Variants in SRRM4 observed in about 807,000 individuals in gnomAD.
SRRM4 encodes serine/arginine repetitive matrix protein 4.
Under a neutral mutation model 68.9 loss-of-function variants are expected in SRRM4, and 33 were observed. The ratio of observed to expected loss-of-function variants is 0.48; its 90% CI spans 0.36 to 0.64. The LOEUF is 0.64. Among genes scored for constraint, SRRM4 ranks in the 30% least tolerant of loss-of-function variants. SRRM4 has a pLI of 0.00. For synonymous variants in SRRM4, 318 were observed against 318.8 expected (o/e 1.00, Z 0.03); for missense variants, 817 against 827.1 (o/e 0.99, Z 0.15).
intron 1 of SRRM4, among the ~76,000 whole-genome samples, chr12:118,990,997 G>A (rs1195838880): frequency 1.3e-5 from 2 of 152,220 alleles, no homozygotes; most frequent in East Asian, 3.9e-4. Context: ...TAGAGACAGG[G>A]TTTCACCATT....
At chr12:119,031,962 T>C (rs1233907619) in intron 1 of SRRM4, among the ~76,000 whole-genome samples, 3 of 152,210 alleles carry the variant, frequency 2.0e-5, no homozygotes, top group African/African-American at 4.8e-5. Flanking sequence ...ATATTTACTT[T>C]ATAATTTCTT....
chr12:119,097,904 T>C (rs11611821), intron 1 of SRRM4, among the ~76,000 whole-genome samples: 12,031 of 152,344 alleles, frequency 0.079, 530 homozygotes, highest in African/African-American at 0.1. Context: ...TATTCAATGC[T>C]AAATTCCTCA....
chr12:119,117,045 G>C (rs78853017), intron 4 of SRRM4, 37 bp downstream of exon 4: 42,016 of 1,580,488 alleles, frequency 0.027, 958 homozygotes, highest in Admixed American at 0.089. Flanking sequence ...GACCTCCCCA[G>C]GTGGGGTGGG....
chr12:119,156,682 A>T lies in SRRM4; in HGVS notation c.1720A>T (p.Ser574Cys), dbSNP rs1441073095. Residue 574 changes from serine (S) to cysteine (C), a missense_variant, in exon 13 of 13, where the codon AGC becomes TGC. Coordinates refer to ENST00000267260, the MANE Select transcript of SRRM4 (RefSeq NM_194286.4). ...CACGAGCAGCAGCTCTAGCTCCCGC[A>T]GCCCTAGTCCGGGCTCCCGCAGCCG... is the stretch of plus-strand genomic sequence containing the variant. ...TRTSSSSSSR[S>C]PSPGSRSRSR... is the part of the protein sequence containing the mutation. The T allele has an allele frequency of 1.3e-6, 2 of 1,557,248 alleles. No individual in the cohort carries two copies. The highest frequency in any genetic ancestry group is 1.7e-6 in the Non-Finnish European group (2 of 1,152,040).
chr12:119,057,219 G>T (rs760193427), intron 1 of SRRM4, among the ~76,000 whole-genome samples: 1 of 152,138 alleles, frequency 6.6e-6, no homozygotes, highest in Non-Finnish European at 1.5e-5. Context: ...GAATACATGT[G>T]CAGGATGCGC....
intron 1 of SRRM4, among the ~76,000 whole-genome samples, chr12:119,005,124 G>A (rs1304906574): frequency 2.0e-5 from 3 of 152,238 alleles, no homozygotes; most frequent in African/African-American, 7.2e-5. Context: ...GACTCTGGGG[G>A]AAAGGAGGAG....
intron 1 of SRRM4, among the ~76,000 whole-genome samples, chr12:119,097,853 CT>C (rs1419778755): frequency 6.6e-6 from 1 of 152,232 alleles, no homozygotes; most frequent in African/African-American, 2.4e-5. Flanking sequence ...AGACAAGTCA[CT>C]GAGACTTCCC....
At chr12:118,986,032 C>T (rs947524036) in intron 1 of SRRM4, among the ~76,000 whole-genome samples, 2 of 152,152 alleles carry the variant, frequency 1.3e-5, no homozygotes, top group Admixed American at 1.3e-4. Flanking sequence ...AAGTAGACTT[C>T]AGCCCAGGCC....
intron 1 of SRRM4, among the ~76,000 whole-genome samples, chr12:119,047,019 G>A (rs1953711843): frequency 1.7e-5 from 2 of 120,796 alleles, no homozygotes; most frequent in South Asian, 2.8e-4. Flanking sequence ...GTGACAGAGT[G>A]AGATCCCGTC....
At chr12:119,131,950 G>A (rs1421166218) in intron 8 of SRRM4, among the ~76,000 whole-genome samples, 1 of 152,168 alleles carries the variant, frequency 6.6e-6, no homozygotes, top group Non-Finnish European at 1.5e-5. Context: ...GTGCTTGTGG[G>A]GATGTCAAGA....
intron 1 of SRRM4, among the ~76,000 whole-genome samples, chr12:119,083,486 T>C (rs1384838819): frequency 6.6e-6 from 1 of 151,940 alleles, no homozygotes; most frequent in African/African-American, 2.4e-5. Flanking sequence ...GTGGAACAAT[T>C]CTGAGGTCTA....
intron 9 of SRRM4, among the ~76,000 whole-genome samples, chr12:119,148,226 C>G (rs1954416631): frequency 1.3e-5 from 2 of 152,206 alleles, no homozygotes; most frequent in Admixed American, 6.5e-5. Context: ...CACTCTTTGT[C>G]CCTAACACAT....
intron 1 of SRRM4, among the ~76,000 whole-genome samples, chr12:119,090,498 T>C (rs373799800): frequency 5.9e-5 from 9 of 152,256 alleles, no homozygotes; most frequent in African/African-American, 2.2e-4. Context: ...AGGGGGCAGG[T>C]CTTTTGTACT....
Position 119,098,946 on chromosome 12 carries a change from C to T in SRRM4, c.132-3290C>T, listed in dbSNP as rs182606790. On this transcript the variant is annotated intron_variant, in intron 1 of 12. Transcript: ENST00000267260. ...CATTTCCCCATCTCTGCCCTTTTCT[C>T]CCTTCAGCCTTGTGTCCCTCAATCA... 5.3e-4 allele frequency among the ~76,000 whole-genome samples: 81 copies of T among 152,254 alleles called. 1 individual carries two copies. In the East Asian group the frequency reaches 0.015, roughly 29 times the overall value.
At chr12:119,009,924 T>G (rs745604629) in intron 1 of SRRM4, among the ~76,000 whole-genome samples, 2 of 152,234 alleles carry the variant, frequency 1.3e-5, no homozygotes, top group Non-Finnish European at 2.9e-5. Flanking sequence ...TTCTCCTTTC[T>G]TCCTTAATTC....
rs76415327 is a variant in SRRM4 at position 119,057,106 on chromosome 12, G to A, written c.132-45130G>A. On this transcript the variant is annotated intron_variant, in intron 1 of 12. Coordinates refer to ENST00000267260, the MANE Select transcript of SRRM4 (RefSeq NM_194286.4). ...TAAGAACATAAAAGAAATGAAACCC[G>A]CATCCTCAGACACTTGGTCCATGGT... 8.3e-3 allele frequency among the ~76,000 whole-genome samples: 1,271 copies of A among 152,280 alleles called. 24 individuals are homozygous for A. The highest frequency in any genetic ancestry group is 0.029 in the African/African-American group (1,216 of 41,568).
chr12:119,090,542 C>T (rs1481928184), intron 1 of SRRM4, among the ~76,000 whole-genome samples: 2 of 152,154 alleles, frequency 1.3e-5, no homozygotes, highest in Non-Finnish European at 2.9e-5. Flanking sequence ...ATGGGCCTCC[C>T]TCCCCACATC....
chr12:119,040,771 G>A (rs1198532903), intron 1 of SRRM4, among the ~76,000 whole-genome samples: 1 of 151,954 alleles, frequency 6.6e-6, no homozygotes, highest in Non-Finnish European at 1.5e-5. Context: ...TGGAGGGATG[G>A]AGTCTCACTC....
chr12:119,152,521 G>C lies in SRRM4; in HGVS notation c.1281-1018G>C, dbSNP rs1222615743. On this transcript the variant is annotated intron_variant, in intron 10 of 12. Transcript: ENST00000267260. ...TACATTATTAACAAAAAAAAGATAA[G>C]AATTGAACCAGTTGCTCAGAAGAGC... Among the ~76,000 whole-genome samples, 3 of 152,052 alleles carry C rather than the reference G, an allele frequency of 2.0e-5. No homozygotes were observed. In the East Asian group the frequency reaches 5.8e-4, roughly 29 times the overall value.
Sources: gnomAD v4.1 joint callset for allele counts (sites outside exome capture counted in the v4.1 genomes callset) on GRCh38, gnomAD v4.1.1 for gene constraint, MANE v1.5 for transcripts, NCBI Gene and HGNC (gene_info 2026-07-23, HGNC 2026-07-21) for gene names.